The following PRKCB variants were observed in gnomAD, a reference collection of about 807,000 sequenced individuals.
PRKCB encodes the protein protein kinase C beta.
Under a neutral mutation model 81.5 loss-of-function variants are expected in PRKCB, and 13 were observed. That is an observed-to-expected ratio of 0.16 (90% CI 0.10 to 0.25). The LOEUF is 0.25. PRKCB is among the 10% of genes least tolerant of loss of function. PRKCB has a pLI of 1.00. For synonymous variants in PRKCB, 335 were observed against 321.4 expected, an observed-to-expected ratio of 1.04 and a Z score of -0.45; for missense variants, 509 against 875.7, an observed-to-expected ratio of 0.58 and a Z score of 5.29.
At chr16:24,111,261 T>C (rs977490128) in intron 7 of PRKCB, 1 of 152,228 alleles carries the variant, frequency 6.6e-6, no homozygotes, top group Non-Finnish European at 1.5e-5. Flanking sequence ...TAGCCCATTT[T>C]TGGAAGCTGC....
intron 7 of PRKCB, among the ~76,000 whole-genome samples, chr16:24,097,884 G>T (rs568635254): frequency 4.4e-4 from 67 of 152,300 alleles, no homozygotes; most frequent in African/African-American, 1.5e-3. Flanking sequence ...GAGTTGTGGA[G>T]ACCAAAGTTT....
chr16:24,025,598 T>C (rs1567348806), intron 3 of PRKCB, among the ~76,000 whole-genome samples: 1 of 152,214 alleles, frequency 6.6e-6, no homozygotes, highest in East Asian at 1.9e-4. Context: ...AGCGTGCATT[T>C]ATAAGTCAGT....
At chr16:24,003,107 T>C (rs1425420423) in intron 3 of PRKCB, among the ~76,000 whole-genome samples, 4 of 152,194 alleles carry the variant, frequency 2.6e-5, no homozygotes, top group Non-Finnish European at 5.9e-5. Flanking sequence ...CAGGAGCTAC[T>C]CCCTTCCTTT....
intron 2 of PRKCB, among the ~76,000 whole-genome samples, chr16:23,853,612 A>G (rs1469951529): frequency 6.6e-6 from 1 of 152,220 alleles, no homozygotes; most frequent in Non-Finnish European, 1.5e-5. Flanking sequence ...GCGGTGATGT[A>G]TCTAGTTTTA....
intron 16 of PRKCB, among the ~76,000 whole-genome samples, chr16:24,207,932 G>A (rs1018211755): frequency 3.9e-5 from 6 of 152,230 alleles, no homozygotes; most frequent in African/African-American, 7.2e-5. Context: ...AAATACTTCA[G>A]TATGGCTGGA....
chr16:24,080,040 TA>T (rs1966229491), intron 5 of PRKCB, among the ~76,000 whole-genome samples: 2 of 152,352 alleles, frequency 1.3e-5, no homozygotes, highest in South Asian at 4.1e-4. Context: ...ATAGATTTTC[TA>T]AAATTATGAA....
chr16:23,902,264 C>A (rs752501921), intron 2 of PRKCB, among the ~76,000 whole-genome samples: 3 of 151,974 alleles, frequency 2.0e-5, no homozygotes, highest in Non-Finnish European at 2.9e-5. Flanking sequence ...TTTGCCCCTG[C>A]CTTTAGAAAA....
chr16:24,216,935 C>G lies in PRKCB; in HGVS notation c.*2119C>G, dbSNP rs1310174240. ...AGCAAGGCAGCAGACATCTCTGAGC[C>G]AGGCCCACCAACAGGCCCTTATCTG... On this transcript the variant is annotated 3_prime_UTR_variant, in exon 17 of 17. Coordinates refer to ENST00000643927, the MANE Select transcript of PRKCB (RefSeq NM_002738.7). 2 of 985,308 alleles carry G rather than the reference C, an allele frequency of 2.0e-6. No homozygotes were observed. Among genetic ancestry groups the G allele is most frequent in the African/African-American group, 3.5e-5 (2 of 57,228 alleles). 61.0% of individuals were successfully genotyped at this position (985,308 alleles called of 1,614,324 possible).
At chr16:24,031,116 C>T (rs942701641) in intron 3 of PRKCB, among the ~76,000 whole-genome samples, 14 of 152,148 alleles carry the variant, frequency 9.2e-5, no homozygotes, top group African/African-American at 3.1e-4. Context: ...CAAACTCACA[C>T]AGCTTAGAGC....
chr16:24,182,902 T>TGTGTGTGTGTGTGTGTG (rs56902454), intron 13 of PRKCB, among the ~76,000 whole-genome samples: 19 of 151,548 alleles, frequency 1.3e-4, no homozygotes, highest in South Asian at 2.1e-4. Context: ...TGTGTGTGTG[T>TGTGTGTGTGTGTGTGTG]TTGAGACAGG....
Position 24,214,876 on chromosome 16 carries a change from G to C in PRKCB, c.*60G>C. 1 of 1,585,224 alleles carries C rather than the reference G, an allele frequency of 6.3e-7. No individual in the cohort carries two copies. Among genetic ancestry groups the C allele is most frequent in the Non-Finnish European group, 8.6e-7 (1 of 1,165,132 alleles). On this transcript the variant is annotated 3_prime_UTR_variant, in exon 17 of 17. Coordinates refer to ENST00000643927, the MANE Select transcript of PRKCB (RefSeq NM_002738.7). ...ATTCAAGCTCAACGGCTATTGTGGT[G>C]ACATTTTTATGTTTTTCATTGCCAA...
chr16:24,054,369 A>G (rs937626351), intron 5 of PRKCB, among the ~76,000 whole-genome samples: 1 of 152,236 alleles, frequency 6.6e-6, no homozygotes, highest in Non-Finnish European at 1.5e-5. Flanking sequence ...TTTTATATGC[A>G]TGATATCATT....
intron 2 of PRKCB, among the ~76,000 whole-genome samples, chr16:23,924,805 G>T (rs1374042708): frequency 6.6e-6 from 1 of 151,986 alleles, no homozygotes. Flanking sequence ...ATTTCACTAT[G>T]TATACATGTA....
At chr16:23,850,190 A>G (rs1363129708) in intron 2 of PRKCB, among the ~76,000 whole-genome samples, 3 of 151,958 alleles carry the variant, frequency 2.0e-5, no homozygotes, top group Non-Finnish European at 4.4e-5. Context: ...TATTGTGTGT[A>G]TACACCATAC....
chr16:24,050,296 G>A (rs1019512987), intron 5 of PRKCB, among the ~76,000 whole-genome samples: 6 of 152,036 alleles, frequency 3.9e-5, no homozygotes, highest in African/African-American at 1.2e-4. Context: ...ATGTCAACCC[G>A]GAACTCTTCC....
chr16:24,214,612 G>GT (rs568602959), intron 16 of PRKCB, 46 bp from the exon 17 acceptor site: 169 of 1,526,320 alleles, frequency 1.1e-4, no homozygotes, highest in Admixed American at 2.9e-4. Flanking sequence ...TTTTGTTTTT[G>GT]TTTTTTTTCC....
chr16:24,053,148 C>T (rs1254407918), intron 5 of PRKCB, among the ~76,000 whole-genome samples: 1 of 152,208 alleles, frequency 6.6e-6, no homozygotes, highest in Non-Finnish European at 1.5e-5. Flanking sequence ...TCACATCCAG[C>T]ACGGGGTTAC....
intron 2 of PRKCB, among the ~76,000 whole-genome samples, chr16:23,947,684 G>A (rs1406778359): frequency 2.0e-5 from 3 of 151,966 alleles, no homozygotes; most frequent in African/African-American, 7.3e-5. Context: ...TAAAGGTAAG[G>A]GTTCAATCCA....
chr16:24,035,301 G>C, intron 4 of PRKCB, 118 bp from the exon 5 acceptor site: 1 of 1,347,126 alleles, frequency 7.4e-7, no homozygotes, highest in Non-Finnish European at 1.0e-6. Context: ...AGGCTCGTGT[G>C]TCTCAGCTGT....
Sources: allele counts gnomAD v4.1 joint callset (sites outside exome capture counted in the v4.1 genomes callset), GRCh38; gene constraint gnomAD v4.1.1; transcripts MANE v1.5; gene names NCBI Gene and HGNC (gene_info 2026-07-23, HGNC 2026-07-21).